Variants in DPY19L1 observed in about 807,000 individuals in gnomAD.
DPY19L1 encodes protein C-mannosyl-transferase DPY19L1.
DPY19L1 carries 35 observed loss-of-function variants against 96.9 expected under a neutral mutation model. The observed-to-expected ratio is 0.36, with a 90% CI of 0.28 to 0.48. The LOEUF is 0.48. Ranked by LOEUF, DPY19L1 falls within the 20% of genes least tolerant of loss-of-function variation. The pLI is 0.99. For missense variants in DPY19L1, 521 were observed against 777.9 expected (o/e 0.67, Z 3.93); for synonymous variants, 205 against 252.6 (o/e 0.81, Z 1.79).
At chr7:34,949,572 T>TG (rs1784227023) in intron 14 of DPY19L1, among the ~76,000 whole-genome samples, 1 of 152,202 alleles carries the variant, frequency 6.6e-6, no homozygotes, top group African/African-American at 2.4e-5. Context: ...AGAAAACCAC[T>TG]GCTAGTCTGA....
intron 21 of DPY19L1, among the ~76,000 whole-genome samples, chr7:34,933,307 GAGTCCAC>G (rs1414932937): frequency 3.3e-5 from 5 of 152,152 alleles, no homozygotes; most frequent in African/African-American, 7.2e-5. Flanking sequence ...CTCGCTTCCC[GAGTCCAC>G]AGTCCGTACC....
intron 16 of DPY19L1, among the ~76,000 whole-genome samples, chr7:34,944,178 T>C (rs1433383881): frequency 1.3e-5 from 2 of 151,328 alleles, no homozygotes; most frequent in Non-Finnish European, 3.0e-5. Context: ...GCCTGGCCAA[T>C]ATGGTGAAAC....
chr7:35,025,762 A>G (rs1386055001), intron 1 of DPY19L1, among the ~76,000 whole-genome samples: 2 of 152,214 alleles, frequency 1.3e-5, no homozygotes, highest in African/African-American at 4.8e-5. Flanking sequence ...TTTTCCAGCT[A>G]GTAGGCCTGG....
Position 34,940,284 on chromosome 7 carries a change from A to C in DPY19L1, c.1733T>G (p.Val578Gly). 1 of 1,611,530 alleles carries C rather than the reference A, an allele frequency of 6.2e-7. No homozygotes were observed. Among genetic ancestry groups the C allele is most frequent in the Non-Finnish European group, 8.5e-7 (1 of 1,179,716 alleles). The change falls in exon 19 of 22, where the codon GTG becomes GGG. Residue 578 changes from valine (V) to glycine (G), a missense_variant. Physicochemically the swap from Val to Gly is moderately radical, Grantham distance 109. Coordinates refer to ENST00000638088, the MANE Select transcript of DPY19L1 (RefSeq NM_001366673.1). Reference sequence around the variant, plus strand: ...TGACATTGCTGCTAATATAGCAAACACAATAGCACCAGGATGTACTTTGCA... The same window carrying C: ...TGACATTGCTGCTAATATAGCAAACCCAATAGCACCAGGATGTACTTTGCA... Reference protein sequence around the residue: ...LFCKVHPGAIVFAILAAMSIQ... With the variant: ...LFCKVHPGAIGFAILAAMSIQ...
Position 34,931,194 on chromosome 7 carries a change from G to T in DPY19L1, c.*379C>A, listed in dbSNP as rs1783745467. ...AAGAGGCAGAAAAAAGAAGCAAGGG[G>T]CATTAATAGTTCTTACACTATAAAA... On this transcript the variant is annotated 3_prime_UTR_variant, in exon 22 of 22. Coordinates refer to ENST00000638088, the MANE Select transcript of DPY19L1 (RefSeq NM_001366673.1). The T allele has an allele frequency of 6.4e-6, 1 of 156,052 alleles. No individual in the cohort carries two copies. The highest frequency in any genetic ancestry group is 1.4e-5 in the Non-Finnish European group (1 of 70,836). 9.7% of individuals were successfully genotyped at this position (156,052 alleles called of 1,614,324 possible). A position where few individuals can be genotyped will look rare whatever the true frequency, so the allele number is the denominator to read the frequency against.
At position 34,938,844 on chromosome 7, in the gene DPY19L1, T is replaced by C. The variant is rs1341985942; in HGVS notation, c.1964+432A>G. On this transcript the variant is annotated intron_variant, in intron 20 of 21. Coordinates refer to ENST00000638088, the MANE Select transcript of DPY19L1 (RefSeq NM_001366673.1). Reference sequence around the variant, plus strand: ...CACCCAAGATCATTCTAACAGGCTATACTGGTGAAAACCAGAATAAACTCC... The same window carrying C: ...CACCCAAGATCATTCTAACAGGCTACACTGGTGAAAACCAGAATAAACTCC... Among the ~76,000 whole-genome samples the C allele has an allele frequency of 4.6e-5, 7 of 152,210 alleles. No individual in the cohort carries two copies. In the East Asian group the frequency reaches 7.7e-4, roughly 17 times the overall value.
At chr7:34,963,489 A>G (rs113936153) in intron 10 of DPY19L1, among the ~76,000 whole-genome samples, 9 of 152,192 alleles carry the variant, frequency 5.9e-5, no homozygotes, top group African/African-American at 2.2e-4. Context: ...CATACTGAAA[A>G]CAACTGAAAA....
At chr7:35,024,025 A>G (rs1166615125) in intron 1 of DPY19L1, among the ~76,000 whole-genome samples, 2 of 151,004 alleles carry the variant, frequency 1.3e-5, no homozygotes, top group East Asian at 3.9e-4. Flanking sequence ...TTTAGTAGAG[A>G]CGGGGTTTCA....
Position 34,963,438 on chromosome 7 carries a change from G to T in DPY19L1, c.1092+3456C>A, listed in dbSNP as rs569468698. ...AAGTTTGGCAGTTCCTTAAAAAATA[G>T]ATTTACCATATGATCAATCCAGCAA... is the stretch of plus-strand genomic sequence containing the variant. On this transcript the variant is annotated intron_variant, in intron 10 of 21. Coordinates refer to ENST00000638088, the MANE Select transcript of DPY19L1 (RefSeq NM_001366673.1). Among the ~76,000 whole-genome samples, 3 of 152,278 alleles carry T rather than the reference G, an allele frequency of 2.0e-5. No homozygotes were observed. The East Asian group carries it at 5.8e-4, about 29-fold the overall frequency.
At chr7:34,990,998 G>T (rs2128672442) in intron 6 of DPY19L1, among the ~76,000 whole-genome samples, 1 of 152,344 alleles carries the variant, frequency 6.6e-6, no homozygotes, top group South Asian at 2.1e-4. Flanking sequence ...AATCCATGTA[G>T]GGAGTATCCA....
At chr7:35,025,216 G>A (rs1267657651) in intron 1 of DPY19L1, among the ~76,000 whole-genome samples, 1 of 152,144 alleles carries the variant, frequency 6.6e-6, no homozygotes. Flanking sequence ...CTAGTGCCTA[G>A]ATTTTTGTGT....
chr7:35,036,424 T>C (rs903711672), intron 1 of DPY19L1, among the ~76,000 whole-genome samples: 2 of 152,008 alleles, frequency 1.3e-5, no homozygotes, highest in Non-Finnish European at 2.9e-5. Flanking sequence ...TTTTTTTTTT[T>C]CAGCACATCA....
At chr7:34,949,634 C>G (rs1784228292) in intron 14 of DPY19L1, among the ~76,000 whole-genome samples, 163 bp downstream of exon 14, 1 of 152,136 alleles carries the variant, frequency 6.6e-6, no homozygotes, top group Admixed American at 6.5e-5. Flanking sequence ...TTTCAGGGAG[C>G]TGCACTAAAG....
chr7:34,989,816 T>C (rs1463286994), intron 7 of DPY19L1, 68 bp downstream of exon 7: 7 of 1,273,408 alleles, frequency 5.5e-6, no homozygotes, highest in African/African-American at 1.5e-5. Flanking sequence ...AATGCCATTA[T>C]AGATTAAATT....
chr7:35,018,709 C>G, intron 1 of DPY19L1, 113 bp from the exon 2 acceptor site: 1 of 938,742 alleles, frequency 1.1e-6, no homozygotes, highest in Non-Finnish European at 1.6e-6. Flanking sequence ...AAAAAGAATA[C>G]TGGGTCTTCA....
chr7:35,026,114 A>AC (rs1786113844), intron 1 of DPY19L1, among the ~76,000 whole-genome samples: 1 of 152,138 alleles, frequency 6.6e-6, no homozygotes, highest in Non-Finnish European at 1.5e-5. Flanking sequence ...CTTCTGACAT[A>AC]CAGTCAAGGT....
chr7:35,028,497 G>A (rs757153775), intron 1 of DPY19L1, among the ~76,000 whole-genome samples: 4 of 152,016 alleles, frequency 2.6e-5, no homozygotes, highest in African/African-American at 7.3e-5. Context: ...ACTACTCAAC[G>A]TAAGTGTTTT....
chr7:35,016,057 C>T (rs181068740), intron 3 of DPY19L1, among the ~76,000 whole-genome samples: 161 of 143,170 alleles, frequency 1.1e-3, no homozygotes, highest in Middle Eastern at 7.1e-3. Context: ...TTCATGATTT[C>T]TTTTCTCTTT....
intron 19 of DPY19L1, among the ~76,000 whole-genome samples, 155 bp from the exon 20 acceptor site, chr7:34,939,530 G>A (rs1473588521): frequency 6.6e-6 from 1 of 152,214 alleles, no homozygotes; most frequent in Non-Finnish European, 1.5e-5. Context: ...GAAGTCAGAT[G>A]GCTGATAAAG....
Sources: allele counts gnomAD v4.1 joint callset (sites outside exome capture counted in the v4.1 genomes callset), GRCh38; gene constraint gnomAD v4.1.1; transcripts MANE v1.5; gene names NCBI Gene and HGNC (gene_info 2026-07-23, HGNC 2026-07-21).